Variants in PRKCA observed in about 807,000 individuals in gnomAD.
The protein encoded by PRKCA is protein kinase C alpha type.
In PRKCA, 27 loss-of-function variants were observed where a neutral mutation model predicts 87.0. The observed-to-expected ratio is 0.31, with a 90% CI of 0.23 to 0.43. PRKCA has a LOEUF of 0.43. Among genes scored for constraint, PRKCA ranks in the 20% least tolerant of loss-of-function variants. The pLI is 1.00. For synonymous variants in PRKCA, 329 were observed against 311.1 expected, an observed-to-expected ratio of 1.06 and a Z score of -0.61; for missense variants, 518 against 852.3, an observed-to-expected ratio of 0.61 and a Z score of 4.88.
intron 14 of PRKCA, among the ~76,000 whole-genome samples, chr17:66,778,501 G>A (rs946007580): frequency 6.6e-6 from 1 of 152,158 alleles, no homozygotes; most frequent in African/African-American, 2.4e-5. Context: ...GGGCGACAGA[G>A]CGAGACTCCA....
chr17:66,487,283 T>C (rs1475519025), intron 2 of PRKCA, among the ~76,000 whole-genome samples: 2 of 152,234 alleles, frequency 1.3e-5, no homozygotes, highest in African/African-American at 4.8e-5. Flanking sequence ...TTTGTCTTCC[T>C]GTGCCTGGCT....
At chr17:66,774,189 T>C in intron 14 of PRKCA, 122 bp downstream of exon 14, 1 of 1,561,094 alleles carries the variant, frequency 6.4e-7, no homozygotes. Flanking sequence ...GTGACTTCCC[T>C]GACCCAGGCG....
intron 2 of PRKCA, among the ~76,000 whole-genome samples, chr17:66,309,252 A>G (rs955679401): frequency 6.6e-6 from 1 of 152,220 alleles, no homozygotes; most frequent in Non-Finnish European, 1.5e-5. Context: ...GTATTTGAAG[A>G]CTAAAGAAAT....
At position 66,563,269 on chromosome 17, in the gene PRKCA, A is replaced by T. The variant is rs572527128; in HGVS notation, c.288+66986A>T. ...TTTGGACAAATGTGTCATGGCCCGT[A>T]TCCACCTTTATAGTATCATACAGAG... On this transcript the variant is annotated intron_variant, in intron 3 of 16. Coordinates refer to ENST00000413366, the MANE Select transcript of PRKCA (RefSeq NM_002737.3). 2.0e-5 allele frequency among the ~76,000 whole-genome samples: 3 copies of T among 152,288 alleles called. No individual in the cohort carries two copies. In the East Asian group the frequency reaches 5.8e-4, roughly 29 times the overall value.
At chr17:66,338,710 G>A (rs778134546) in intron 2 of PRKCA, among the ~76,000 whole-genome samples, 5 of 152,048 alleles carry the variant, frequency 3.3e-5, no homozygotes, top group African/African-American at 4.8e-5. Context: ...AGTGGGAGAA[G>A]GGGATGAAAA....
intron 7 of PRKCA, 139 bp downstream of exon 7, chr17:66,688,575 G>A: frequency 1.8e-6 from 2 of 1,134,756 alleles, no homozygotes; most frequent in Non-Finnish European, 2.5e-6. Context: ...GGCCGAGGCA[G>A]GTGGATTGCT....
At chr17:66,506,021 C>T (rs1476321713) in intron 3 of PRKCA, among the ~76,000 whole-genome samples, 1 of 152,102 alleles carries the variant, frequency 6.6e-6, no homozygotes. Context: ...GGAGGCCAGG[C>T]GCTGTGGCTC....
At chr17:66,326,959 T>A (rs571462566) in intron 2 of PRKCA, among the ~76,000 whole-genome samples, 1 of 152,248 alleles carries the variant, frequency 6.6e-6, no homozygotes, top group South Asian at 2.1e-4. Context: ...TTCCAGCTAC[T>A]CAGGAGGCCA....
At chr17:66,548,314 ACTTC>A (rs1262049374) in intron 3 of PRKCA, among the ~76,000 whole-genome samples, 3 of 152,072 alleles carry the variant, frequency 2.0e-5, no homozygotes, top group African/African-American at 4.8e-5. Context: ...CCTCCTTGAC[ACTTC>A]CTTCCTTTTG....
intron 2 of PRKCA, among the ~76,000 whole-genome samples, chr17:66,332,589 G>A (rs75154965): frequency 0.1 from 15,551 of 152,138 alleles, 1,150 homozygotes; most frequent in East Asian, 0.24. Flanking sequence ...GCTGCAGAGG[G>A]AGGGGCACGT....
chr17:66,723,975 C>T (rs76270305), intron 8 of PRKCA, among the ~76,000 whole-genome samples: 20 of 152,268 alleles, frequency 1.3e-4, no homozygotes, highest in Non-Finnish European at 2.2e-4. Context: ...GTCTCAGAGA[C>T]GAGTGAATTT....
intron 13 of PRKCA, among the ~76,000 whole-genome samples, chr17:66,751,903 A>C (rs749938436): frequency 1.2e-4 from 19 of 152,232 alleles, no homozygotes; most frequent in Non-Finnish European, 1.8e-4. Context: ...TCAAACAACC[A>C]GATCTCATGA....
intron 3 of PRKCA, among the ~76,000 whole-genome samples, chr17:66,512,013 C>A (rs1339889369): frequency 6.6e-6 from 1 of 152,102 alleles, no homozygotes; most frequent in Non-Finnish European, 1.5e-5. Flanking sequence ...ATCCGGCAGC[C>A]AGACAATGAG....
chr17:66,575,075 G>A (rs991632151), intron 3 of PRKCA, among the ~76,000 whole-genome samples: 17 of 152,072 alleles, frequency 1.1e-4, no homozygotes, highest in African/African-American at 4.1e-4. Context: ...GTACTTTAGG[G>A]CCATTATGAA....
intron 5 of PRKCA, among the ~76,000 whole-genome samples, chr17:66,666,792 C>T (rs541166017): frequency 1.2e-3 from 189 of 152,144 alleles, no homozygotes; most frequent in Non-Finnish European, 2.3e-3. Flanking sequence ...AAAGAGTAGT[C>T]GTAACTCTCC....
At chr17:66,557,367 A>T (rs1414153136) in intron 3 of PRKCA, among the ~76,000 whole-genome samples, 1 of 152,064 alleles carries the variant, frequency 6.6e-6, no homozygotes, top group Non-Finnish European at 1.5e-5. Context: ...TACTTACAAT[A>T]GATTTCCTGC....
chr17:66,715,317 C>T lies in PRKCA; in HGVS notation c.919-17371C>T, dbSNP rs371984471. The stretch of plus-strand genomic sequence containing the variant: ...ACTTCAGGAGCTGCTGTTCTGTGCT[C>T]GCTTAGCTTCAATTGGATTTTCCCA... On this transcript the variant is annotated intron_variant, in intron 8 of 16. Transcript: ENST00000413366. Among the ~76,000 whole-genome samples, 148 of 152,222 alleles carry T rather than the reference C, an allele frequency of 9.7e-4. 1 individual carries two copies. Among genetic ancestry groups the T allele is most frequent in the African/African-American group, 3.4e-3 (140 of 41,546 alleles).
intron 3 of PRKCA, among the ~76,000 whole-genome samples, chr17:66,515,679 G>A (rs1966944834): frequency 6.6e-6 from 1 of 152,064 alleles, no homozygotes; most frequent in African/African-American, 2.4e-5. Context: ...AAGTAGCTGG[G>A]ACTGCAGGAG....
At chr17:66,521,260 T>C (rs1461166753) in intron 3 of PRKCA, among the ~76,000 whole-genome samples, 3 of 152,220 alleles carry the variant, frequency 2.0e-5, no homozygotes, top group Non-Finnish European at 4.4e-5. Flanking sequence ...TTTTATATAG[T>C]GTAGAAGTCC....
Sources: gnomAD v4.1 joint callset for allele counts (sites outside exome capture counted in the v4.1 genomes callset) on GRCh38, gnomAD v4.1.1 for gene constraint, MANE v1.5 for transcripts, NCBI Gene and HGNC (gene_info 2026-07-23, HGNC 2026-07-21) for gene names.